Variants in FAM135B observed in about 807,000 individuals in gnomAD.
The protein encoded by FAM135B is protein FAM135B.
Under a neutral mutation model 127.7 loss-of-function variants are expected in FAM135B, and 43 were observed. That is an observed-to-expected ratio of 0.34 (90% confidence interval 0.26 to 0.43). The LOEUF (loss-of-function observed/expected upper bound fraction) is 0.43, where lower values mean the gene tolerates loss of function less well. Among genes scored for constraint, FAM135B ranks in the 20% least tolerant of loss-of-function variants. The probability of loss-of-function intolerance (pLI) is 1.00; values close to 1 mark genes in which losing one functional copy is unlikely to be tolerated. For synonymous variants in FAM135B, 670 were observed against 665.1 expected (o/e 1.01, Z -0.11); for missense variants, 1,558 against 1,725.6 (o/e 0.90, Z 1.72).
chr8:138,429,814 C>T (rs752790418), intron 1 of FAM135B, among the ~76,000 whole-genome samples: 67 of 152,152 alleles, frequency 4.4e-4, no homozygotes, highest in Non-Finnish European at 7.6e-4. Flanking sequence ...AAAATTAGAA[C>T]TATGTTTTTT....
chr8:138,387,270 G>T (rs1051407976), intron 1 of FAM135B, among the ~76,000 whole-genome samples: 3 of 152,082 alleles, frequency 2.0e-5, no homozygotes, highest in Non-Finnish European at 4.4e-5. Flanking sequence ...GCTCTAAAGG[G>T]AAACACCTGA....
intron 2 of FAM135B, among the ~76,000 whole-genome samples, chr8:138,344,573 C>CTTTA (rs869311243): frequency 1.8e-5 from 2 of 113,614 alleles, no homozygotes; most frequent in Non-Finnish European, 1.8e-5. Context: ...CACTTTCTTT[C>CTTTA]TTTCTTTTTT....
Position 138,217,432 on chromosome 8 carries a change from C to T in FAM135B, c.670-19763G>A, listed in dbSNP as rs867511831. Among the ~76,000 whole-genome samples, 162 of 129,236 alleles carry T rather than the reference C, an allele frequency of 1.3e-3. 1 individual carries two copies. Among genetic ancestry groups the T allele is most frequent in the Middle Eastern group, 4.3e-3 (1 of 230 alleles). 84.8% of individuals were successfully genotyped at this position (129,236 alleles called of 152,430 possible). On this transcript the variant is annotated intron_variant, in intron 7 of 19. Coordinates refer to ENST00000395297, the MANE Select transcript of FAM135B (RefSeq NM_015912.4). ...TATTCATTTGTTCTCTGATATATTT[C>T]TTTTTTTTTTTTTTTTGAGATGGAG...
intron 3 of FAM135B, among the ~76,000 whole-genome samples, chr8:138,310,591 C>A (rs557495038): frequency 3.9e-4 from 60 of 152,340 alleles, no homozygotes; most frequent in African/African-American, 1.4e-3. Flanking sequence ...CCCTCCACAG[C>A]CAGTTTATCT....
intron 3 of FAM135B, among the ~76,000 whole-genome samples, chr8:138,305,787 A>G (rs1467686699): frequency 6.6e-6 from 1 of 152,196 alleles, no homozygotes. Context: ...TGACAAGTAT[A>G]ATAAGTGAGC....
intron 2 of FAM135B, among the ~76,000 whole-genome samples, chr8:138,316,291 G>C (rs1025000493): frequency 3.3e-5 from 5 of 152,078 alleles, no homozygotes; most frequent in Admixed American, 3.3e-4. Context: ...CGGATCACGA[G>C]GTCAGGAGAT....
At chr8:138,426,020 C>CATATATAT (rs1252956860) in intron 1 of FAM135B, among the ~76,000 whole-genome samples, 1 of 14,730 alleles carries the variant, frequency 6.8e-5, no homozygotes, top group African/African-American at 4.2e-4. Flanking sequence ...TATACACACA[C>CATATATAT]ATACATATAC....
chr8:138,206,243 T>C (rs1312268128), intron 7 of FAM135B, among the ~76,000 whole-genome samples: 1 of 150,728 alleles, frequency 6.6e-6, no homozygotes, highest in Non-Finnish European at 1.5e-5. Flanking sequence ...AGCTCTCTCA[T>C]CCCCTCCACC....
At chr8:138,404,058 T>A (rs1833308171) in intron 1 of FAM135B, among the ~76,000 whole-genome samples, 1 of 152,078 alleles carries the variant, frequency 6.6e-6, no homozygotes, top group African/African-American at 2.4e-5. Flanking sequence ...TTTGAGTGAT[T>A]TTCTTATATT....
chr8:138,455,924 C>G (rs116074424), intron 1 of FAM135B, among the ~76,000 whole-genome samples: 103 of 152,338 alleles, frequency 6.8e-4, no homozygotes, highest in African/African-American at 2.3e-3. Flanking sequence ...CTACACCCTC[C>G]ATATGCCAGA....
At chr8:138,425,877 G>A (rs1055889850) in intron 1 of FAM135B, among the ~76,000 whole-genome samples, 1 of 150,534 alleles carries the variant, frequency 6.6e-6, no homozygotes, top group Admixed American at 6.7e-5. Flanking sequence ...GGTCTGTCGT[G>A]GAGGCTCATG....
At chr8:138,422,872 C>G (rs1280094070) in intron 1 of FAM135B, among the ~76,000 whole-genome samples, 1 of 152,158 alleles carries the variant, frequency 6.6e-6, no homozygotes, top group Non-Finnish European at 1.5e-5. Flanking sequence ...CATACATATC[C>G]ATTAACAGTG....
rs1045220814 is a variant in FAM135B, at chr8:138,154,512, T to G, written c.1259-1296A>C. ...AACTTCTCCAGGCCAAAGGAGGATG[T>G]TCAAACCCTCCATAAAGAAGGTAAA... On this transcript the variant is annotated intron_variant, in intron 12 of 19. Transcript: ENST00000395297. 3.3e-5 allele frequency among the ~76,000 whole-genome samples: 5 copies of G among 152,192 alleles called. No individual in the cohort carries two copies. The East Asian group carries it at 9.7e-4, about 30-fold the overall frequency.
chr8:138,237,144 T>G (rs1820347704), intron 7 of FAM135B, among the ~76,000 whole-genome samples: 1 of 145,476 alleles, frequency 6.9e-6, no homozygotes, highest in Admixed American at 7.0e-5. Context: ...AGTAACTGGA[T>G]CCTTGATTTT....
chr8:138,156,907 A>G lies in FAM135B; in HGVS notation c.1259-3691T>C, dbSNP rs2130822607. 2.0e-5 allele frequency among the ~76,000 whole-genome samples: 3 copies of G among 152,298 alleles called. No individual in the cohort carries two copies. In the South Asian group the frequency reaches 6.2e-4, roughly 32 times the overall value. On this transcript the variant is annotated intron_variant, in intron 12 of 19. Transcript: ENST00000395297. ...TACCATTCCTTCTGAAACTATTCCA[A>G]TCAATAGAAAAAGAGGGAATCCTCC...
chr8:138,292,092 A>G (rs1825155727), intron 3 of FAM135B, among the ~76,000 whole-genome samples: 1 of 152,158 alleles, frequency 6.6e-6, no homozygotes, highest in African/African-American at 2.4e-5. Context: ...CAAAATCAAC[A>G]TTAAAAAATC....
chr8:138,262,288 T>C (rs1218010802), intron 4 of FAM135B, among the ~76,000 whole-genome samples: 1 of 152,160 alleles, frequency 6.6e-6, no homozygotes, highest in Non-Finnish European at 1.5e-5. Flanking sequence ...ACCTGAATAA[T>C]GCCCAAACCC....
intron 1 of FAM135B, among the ~76,000 whole-genome samples, chr8:138,478,360 A>C (rs986596120): frequency 3.9e-5 from 6 of 152,044 alleles, no homozygotes; most frequent in Non-Finnish European, 8.8e-5. Flanking sequence ...CTTCACCCAA[A>C]AGTATCCAAC....
chr8:138,488,620 T>G (rs891136057), intron 1 of FAM135B, among the ~76,000 whole-genome samples: 5 of 152,030 alleles, frequency 3.3e-5, no homozygotes, highest in Admixed American at 2.6e-4. Flanking sequence ...GGAAGCCAGA[T>G]AGTGTGCGTT....
Sources: gnomAD v4.1 joint callset for allele counts (sites outside exome capture counted in the v4.1 genomes callset) on GRCh38, gnomAD v4.1.1 for gene constraint, MANE v1.5 for transcripts, NCBI Gene and HGNC (gene_info 2026-07-23, HGNC 2026-07-21) for gene names.